Variants in GPR149 observed in about 807,000 individuals in gnomAD.
GPR149 encodes the protein G protein-coupled receptor 149.
In GPR149, 50 loss-of-function variants were observed where a neutral mutation model predicts 50.2. The ratio of observed to expected loss-of-function variants is 1.00; its 90% CI spans 0.79 to 1.26. The LOEUF is 1.26. GPR149 is among the 50% of genes most tolerant of loss of function. The pLI, the probability that GPR149 is intolerant of heterozygous loss-of-function variation, is 0.00. For synonymous variants in GPR149, 405 were observed against 358.2 expected, an observed-to-expected ratio of 1.13 and a Z score of -1.48; for missense variants, 983 against 895.4, an observed-to-expected ratio of 1.10 and a Z score of -1.25.
intron 3 of GPR149, among the ~76,000 whole-genome samples, chr3:154,417,668 A>G (rs77439845): frequency 0.015 from 2,299 of 152,206 alleles, 27 homozygotes; most frequent in Non-Finnish European, 0.021. Context: ...TGCTGTGTCT[A>G]CCACACAGTT....
chr3:154,421,366 G>A lies in GPR149; in HGVS notation c.1296C>T (p.Asn432=). 1.2e-6 allele frequency: 2 copies of A among 1,612,896 alleles called. No homozygotes were observed. Among genetic ancestry groups the A allele is most frequent in the Non-Finnish European group, 1.7e-6 (2 of 1,179,170 alleles). The part of the protein sequence containing the change: ...ENSIFYHNLM[N]SECETTKDPQ... Reference sequence around the variant, plus strand: ...GGTCTTTTGTAGTTTCACACTCAGAGTTCATCAGGTTGTGATAGAATATGG... The same window carrying A: ...GGTCTTTTGTAGTTTCACACTCAGAATTCATCAGGTTGTGATAGAATATGG... Residue 432 remains asparagine, a synonymous_variant, in exon 3 of 4, where the codon AAC becomes AAT. Transcript: ENST00000389740.
chr3:154,429,233 G>C lies in GPR149; in HGVS notation c.383C>G (p.Ser128Cys). 1 of 1,614,188 alleles carries C rather than the reference G, an allele frequency of 6.2e-7. No homozygotes were observed. Among genetic ancestry groups the C allele is most frequent in the East Asian group, 2.2e-5 (1 of 44,860 alleles). ...SSNLKATLLV[S>C]YNFYTMHRGV... is the part of the protein sequence containing the mutation. ...TCTGTGCATCGTATAAAAGTTGTAA[G>C]AGACTAGGAGAGTCGCCTTCAAGTT... The change falls in exon 1 of 4, where the codon TCT becomes TGT. Residue 128 changes from serine to cysteine, a missense_variant. Coordinates refer to ENST00000389740, the MANE Select transcript of GPR149 (RefSeq NM_001038705.3).
Position 154,421,340 on chromosome 3 carries a change from G to A in GPR149, c.1322C>T (p.Pro441Leu). ...MNSECETTKD[P>L]QRDNRNIFNA... ...GAAGATGTTACGGTTGTCTCTCTGA[G>A]GGTCTTTTGTAGTTTCACACTCAGA... is the stretch of plus-strand genomic sequence containing the variant. The change falls in exon 3 of 4, where the codon CCT (proline) becomes CTT (leucine). Residue 441 changes from proline (P) to leucine (L), a missense_variant. Physicochemically the swap from Pro to Leu is moderately conservative, Grantham distance 98. Coordinates refer to ENST00000389740, the MANE Select transcript of GPR149 (RefSeq NM_001038705.3). 9 of 1,613,240 alleles carry A rather than the reference G, an allele frequency of 5.6e-6. No homozygotes were observed. Among genetic ancestry groups the A allele is most frequent in the Non-Finnish European group, 6.8e-6 (8 of 1,179,472 alleles).
At chr3:154,392,869 A>C (rs976561516) in intron 3 of GPR149, among the ~76,000 whole-genome samples, 6 of 151,984 alleles carry the variant, frequency 3.9e-5, no homozygotes, top group Admixed American at 2.6e-4. Context: ...ACAACCTACC[A>C]AGGTTGAGTC....
intron 3 of GPR149, among the ~76,000 whole-genome samples, chr3:154,364,389 A>C (rs1259931717): frequency 1.3e-5 from 2 of 152,210 alleles, no homozygotes; most frequent in African/African-American, 4.8e-5. Flanking sequence ...AGTAGACCCC[A>C]AAAGTCTTAA....
chr3:154,388,035 A>G (rs1356660824), intron 3 of GPR149, among the ~76,000 whole-genome samples: 3 of 152,186 alleles, frequency 2.0e-5, no homozygotes. Flanking sequence ...AAATAAAGAA[A>G]TAATCATTTT....
At chr3:154,408,823 T>C (rs995372491) in intron 3 of GPR149, among the ~76,000 whole-genome samples, 1 of 152,196 alleles carries the variant, frequency 6.6e-6, no homozygotes, top group Non-Finnish European at 1.5e-5. Context: ...GAAACCTGAA[T>C]ACTTAACCAG....
chr3:154,415,777 AGTTT>A (rs1308803146), intron 3 of GPR149, among the ~76,000 whole-genome samples: 7 of 151,956 alleles, frequency 4.6e-5, no homozygotes, highest in Admixed American at 3.9e-4. Flanking sequence ...ATTATAAGTT[AGTTT>A]AATAATTATA....
intron 3 of GPR149, chr3:154,354,076 G>A: frequency 2.2e-6 from 1 of 458,904 alleles, no homozygotes; most frequent in Non-Finnish European, 4.2e-6. Flanking sequence ...GAGATTTAGA[G>A]AATTTATCTG....
intron 3 of GPR149, among the ~76,000 whole-genome samples, chr3:154,374,169 CTTT>C (rs3069044): frequency 1.9e-5 from 2 of 103,174 alleles, no homozygotes; most frequent in Admixed American, 2.3e-4. Flanking sequence ...CTTTTCTTTT[CTTT>C]TTTTTTTTTT....
chr3:154,416,132 T>C (rs1282800293), intron 3 of GPR149, among the ~76,000 whole-genome samples: 1 of 151,870 alleles, frequency 6.6e-6, no homozygotes, highest in Non-Finnish European at 1.5e-5. Flanking sequence ...GATGCACAGT[T>C]TTTAGGAAGA....
chr3:154,420,971 A>T (rs1712123796), intron 3 of GPR149, 68 bp downstream of exon 3: 1 of 1,121,678 alleles, frequency 8.9e-7, no homozygotes, highest in Non-Finnish European at 1.3e-6. Context: ...AACAACTGAT[A>T]ATGTTTTTCA....
intron 3 of GPR149, among the ~76,000 whole-genome samples, chr3:154,407,441 T>C (rs1576925132): frequency 6.6e-6 from 1 of 152,180 alleles, no homozygotes; most frequent in East Asian, 1.9e-4. Context: ...TAAAATTTCT[T>C]TATGTGTATA....
Position 154,337,835 on chromosome 3 carries a change from A to G in GPR149, c.2060T>C (p.Ile687Thr). Reference sequence around the variant, plus strand: ...TGCTTCTACTGTGTCTGGAATGGAGATATTAATATCACCATCAGGATTACT... The same window carrying G: ...TGCTTCTACTGTGTCTGGAATGGAGGTATTAATATCACCATCAGGATTACT... ...PTSNPDGDIN[I>T]SIPDTVEAHR... Residue 687 changes from isoleucine (I) to threonine (T), a missense_variant, in exon 4 of 4, where the codon ATC becomes ACC. By Grantham distance (89) the Ile-to-Thr change is moderately conservative. Transcript: ENST00000389740. 6.2e-7 allele frequency: 1 copy of G among 1,613,844 alleles called. No individual in the cohort carries two copies. Among genetic ancestry groups the G allele is most frequent in the Non-Finnish European group, 8.5e-7 (1 of 1,179,940 alleles).
intron 3 of GPR149, among the ~76,000 whole-genome samples, chr3:154,389,752 C>T (rs150387445): frequency 8.9e-4 from 135 of 152,190 alleles, no homozygotes; most frequent in African/African-American, 3.1e-3. Context: ...GTCTTGCCTG[C>T]CTTAGAGGAT....
intron 3 of GPR149, among the ~76,000 whole-genome samples, chr3:154,371,014 T>TA (rs1714652074): frequency 6.6e-6 from 1 of 152,136 alleles, no homozygotes; most frequent in African/African-American, 2.4e-5. Context: ...GTATGGGCCT[T>TA]AAAACGACAA....
At chr3:154,417,790 A>T (rs1050495368) in intron 3 of GPR149, among the ~76,000 whole-genome samples, 1 of 152,102 alleles carries the variant, frequency 6.6e-6, no homozygotes, top group South Asian at 2.1e-4. Context: ...ATTCACTTCC[A>T]TGTAATATTT....
In GPR149 at chr3:154,405,840, G is replaced by A. The variant is rs138467537; in HGVS notation, c.1623+15199C>T. Among the ~76,000 whole-genome samples the A allele has an allele frequency of 2.3e-3, 349 of 151,732 alleles. 1 individual carries two copies. The highest frequency in any genetic ancestry group is 7.7e-3 in the African/African-American group (321 of 41,430). ...AAGCCATACAAGTACTTAGAAAAAA[G>A]CATGGGTGAATTCCATTTTAAACTG... On this transcript the variant is annotated intron_variant, in intron 3 of 3. Transcript: ENST00000389740.
At chr3:154,366,840 T>C (rs143840954) in intron 3 of GPR149, among the ~76,000 whole-genome samples, 1 of 152,220 alleles carries the variant, frequency 6.6e-6, no homozygotes, top group Non-Finnish European at 1.5e-5. Context: ...CTTCACCACC[T>C]TGGGCACACT....
Sources: allele counts gnomAD v4.1 joint callset (sites outside exome capture counted in the v4.1 genomes callset), GRCh38; gene constraint gnomAD v4.1.1; transcripts MANE v1.5; gene names NCBI Gene and HGNC (gene_info 2026-07-23, HGNC 2026-07-21).